NRG1: variants seen among roughly 807,000 people sequenced by gnomAD.
The protein encoded by NRG1 is neuregulin 1.
Under a neutral mutation model 63.8 loss-of-function variants are expected in NRG1, and 18 were observed. The ratio of observed to expected loss-of-function variants is 0.28; its 90% CI spans 0.19 to 0.42. The LOEUF (loss-of-function observed/expected upper bound fraction) is 0.42. Ranked by LOEUF, NRG1 falls within the 10% of genes least tolerant of loss-of-function variation. The pLI, the probability that NRG1 is intolerant of heterozygous loss-of-function variation, is 1.00. For synonymous variants in NRG1, 302 were observed against 301.3 expected (o/e 1.00, Z -0.02); for missense variants, 762 against 814.7 (o/e 0.94, Z 0.79).
At chr8:32,543,599 C>G (rs552052751), upstream of NRG1, among the ~76,000 whole-genome samples, 499 of 152,172 alleles carry the variant, frequency 3.3e-3, 2 homozygotes, top group Non-Finnish European at 5.4e-3. Flanking sequence ...AATTTTAATC[C>G]ATGATATCAG....
chr8:32,467,340 C>A (rs1823195122), intron 1 of NRG1, among the ~76,000 whole-genome samples: 1 of 152,086 alleles, frequency 6.6e-6, no homozygotes, highest in African/African-American at 2.4e-5. Context: ...TCAGAGCCCG[C>A]CTTTTGGTCC....
chr8:32,390,465 T>C (rs780891143), intron 1 of NRG1, among the ~76,000 whole-genome samples: 1 of 151,922 alleles, frequency 6.6e-6, no homozygotes, highest in Non-Finnish European at 1.5e-5. Context: ...AGTCCAGGCA[T>C]GGTGGTGAGC....
intron 1 of NRG1, among the ~76,000 whole-genome samples, chr8:32,240,815 G>A (rs1394303716): frequency 2.0e-5 from 3 of 151,960 alleles, no homozygotes; most frequent in African/African-American, 4.8e-5. Flanking sequence ...AAGAATTTTA[G>A]AGACTCTTTC....
At chr8:31,663,409 C>G (rs571158683) in intron 1 of NRG1, among the ~76,000 whole-genome samples, 1 of 152,234 alleles carries the variant, frequency 6.6e-6, no homozygotes, top group East Asian at 1.9e-4. Context: ...GGAATCAACA[C>G]CCTTCCTCCT....
chr8:32,092,183 G>T (rs1183593968), intron 1 of NRG1, among the ~76,000 whole-genome samples: 5 of 152,030 alleles, frequency 3.3e-5, no homozygotes, highest in South Asian at 4.1e-4. Context: ...ATATGGCAGG[G>T]TGCAGTGGCT....
chr8:32,595,902 A>C (rs1468926264), exon 2 of NRG1: 3 of 1,613,898 alleles, frequency 1.9e-6, no homozygotes, highest in Non-Finnish European at 2.5e-6. Flanking sequence ...TCGGTGTGAA[A>C]CCAGTTCTGA....
chr8:31,695,663 T>C (rs1007765334), intron 1 of NRG1, among the ~76,000 whole-genome samples: 1 of 152,176 alleles, frequency 6.6e-6, no homozygotes, highest in African/African-American at 2.4e-5. Context: ...AGGAACAACT[T>C]AATGTAGATA....
chr8:32,120,635 A>G (rs1228264971), intron 1 of NRG1, among the ~76,000 whole-genome samples: 1 of 151,902 alleles, frequency 6.6e-6, no homozygotes, highest in Non-Finnish European at 1.5e-5. Context: ...TTTTTTTATT[A>G]TTATAGTGCT....
chr8:32,693,319 C>T (rs1010448423), intron 5 of NRG1, among the ~76,000 whole-genome samples: 10 of 151,448 alleles, frequency 6.6e-5, no homozygotes, highest in South Asian at 2.1e-4. Flanking sequence ...TCTGGGTTCA[C>T]GCCATTCTCC....
Position 32,054,390 on chromosome 8 carries a change from G to C in NRG1, c.37+414959G>C, listed in dbSNP as rs532593477. Among the ~76,000 whole-genome samples the C allele has an allele frequency of 7.9e-5, 12 of 152,308 alleles. No homozygotes were observed. The South Asian group carries it at 2.1e-3, about 26-fold the overall frequency. On this transcript the variant is annotated intron_variant, in intron 1 of 10. Transcript: ENST00000519301. ...CAGTTAGCACTTTGAATGAGGGAAT[G>C]CTTATTGAGTAAAAAGTCAATTACA...
intron 1 of NRG1, among the ~76,000 whole-genome samples, chr8:31,923,822 C>T (rs1361157300): frequency 6.6e-6 from 1 of 152,036 alleles, no homozygotes; most frequent in African/African-American, 2.4e-5. Context: ...GAGGAAGGCA[C>T]ATTGTACCCA....
chr8:32,295,076 T>C (rs1481268234), intron 1 of NRG1, among the ~76,000 whole-genome samples: 1 of 152,176 alleles, frequency 6.6e-6, no homozygotes, highest in East Asian at 1.9e-4. Context: ...ATTTTAAATG[T>C]TATAGTACTT....
At chr8:32,482,398 T>TGTGTG (rs1825407330) in intron 1 of NRG1, among the ~76,000 whole-genome samples, 1 of 148,220 alleles carries the variant, frequency 6.7e-6, no homozygotes, top group Non-Finnish European at 1.5e-5. Context: ...CTTTCTACTT[T>TGTGTG]TGTGTGTGTG....
At chr8:31,743,310 T>C (rs1191881281) in intron 1 of NRG1, among the ~76,000 whole-genome samples, 4 of 151,996 alleles carry the variant, frequency 2.6e-5, no homozygotes, top group Non-Finnish European at 1.5e-5. Context: ...CTCTTATCAC[T>C]GTAGGCTAGT....
intron 6 of NRG1, 159 bp downstream of exon 6, chr8:32,728,237 G>C: frequency 3.0e-6 from 3 of 985,288 alleles, no homozygotes; most frequent in Non-Finnish European, 3.6e-6. Context: ...CACACCATTC[G>C]TCATCACTCC....
At chr8:32,726,645 C>G (rs1220213531) in intron 5 of NRG1, among the ~76,000 whole-genome samples, 2 of 151,882 alleles carry the variant, frequency 1.3e-5, no homozygotes, top group Non-Finnish European at 2.9e-5. Context: ...GTATTCCAGT[C>G]AGATAGAATA....
At position 31,640,782 on chromosome 8, in the gene NRG1, G is replaced by T; in HGVS notation, c.37+1351G>T. 2 of 1,443,820 alleles carry T rather than the reference G, an allele frequency of 1.4e-6. No individual in the cohort carries two copies. The highest frequency in any genetic ancestry group is 1.5e-5 in the South Asian group (1 of 67,364). The allele number at this position is 1,443,820 out of a possible 1,614,324, so 89.4% of individuals were successfully genotyped here. On this transcript the variant is annotated intron_variant, in intron 1 of 10. Transcript: ENST00000519301. This position sits in a 1 kb window ranked among gnomAD's most constrained non-coding sequence, Gnocchi z 6.3. ...ACCCGCGGCGAGGAGGGCGCATCCC[G>T]GGCGCGCGGGCAGCGGGGCTCGACG... is the stretch of plus-strand genomic sequence containing the variant.
exon 12 of NRG1, chr8:32,764,417 C>T: frequency 6.6e-7 from 1 of 1,521,432 alleles, no homozygotes; most frequent in Non-Finnish European, 8.8e-7. Context: ...TAAATAAACA[C>T]ATAGATTCAC....
At chr8:32,747,840 T>A (rs992636429) in intron 7 of NRG1, among the ~76,000 whole-genome samples, 1 of 151,000 alleles carries the variant, frequency 6.6e-6, no homozygotes. Context: ...CTTACAGAGT[T>A]TTTCTGGCTA....
Sources: allele counts gnomAD v4.1 joint callset (sites outside exome capture counted in the v4.1 genomes callset), GRCh38; gene constraint gnomAD v4.1.1; non-coding constraint Gnocchi (gnomAD v3.1); transcripts MANE v1.5; gene names NCBI Gene and HGNC (gene_info 2026-07-23, HGNC 2026-07-21).